MYH10: variants seen among roughly 807,000 people sequenced by gnomAD.
MYH10 encodes the protein myosin-10.
Under a neutral mutation model 257.8 loss-of-function variants are expected in MYH10, and 55 were observed. The observed-to-expected ratio is 0.21, with a 90% CI of 0.17 to 0.27. The LOEUF (loss-of-function observed/expected upper bound fraction) is 0.27, where lower values mean the gene tolerates loss of function less well. Ranked by LOEUF, MYH10 falls within the 10% of genes least tolerant of loss-of-function variation. The probability of loss-of-function intolerance (pLI) is 1.00; values close to 1 mark genes in which losing one functional copy is unlikely to be tolerated. For synonymous variants in MYH10, 854 were observed against 921.7 expected, an observed-to-expected ratio of 0.93 and a Z score of 1.33; for missense variants, 1,631 against 2,500.6, an observed-to-expected ratio of 0.65 and a Z score of 7.42.
At chr17:8,481,282 C>T in intron 38 of MYH10, 40 bp downstream of exon 38, 1 of 1,598,702 alleles carries the variant, frequency 6.3e-7, no homozygotes, top group South Asian at 1.1e-5. Flanking sequence ...GTGCGCGTGC[C>T]TGAGGGCGAA....
chr17:8,614,596 C>A (rs957870536), intron 2 of MYH10, among the ~76,000 whole-genome samples: 1 of 152,076 alleles, frequency 6.6e-6, no homozygotes. Context: ...GGATTACAGG[C>A]ATGAGCCACT....
intron 28 of MYH10, among the ~76,000 whole-genome samples, chr17:8,501,480 A>C (rs563416754): frequency 6.6e-6 from 1 of 152,310 alleles, no homozygotes; most frequent in East Asian, 1.9e-4. Flanking sequence ...TAAAACTGGA[A>C]AAAGGGAGTC....
chr17:8,614,511 G>T (rs1402621638), intron 2 of MYH10, among the ~76,000 whole-genome samples: 5 of 151,726 alleles, frequency 3.3e-5, no homozygotes, highest in Admixed American at 3.3e-4. Flanking sequence ...TAGAGACAGG[G>T]TTTCACCATT....
intron 4 of MYH10, among the ~76,000 whole-genome samples, chr17:8,585,032 G>A (rs62062511): frequency 0.044 from 6,704 of 151,608 alleles, 192 homozygotes; most frequent in South Asian, 0.08. Context: ...TAGTAGAGAC[G>A]GGGTTTCTCT....
chr17:8,561,595 A>G, intron 7 of MYH10: 1 of 774,240 alleles, frequency 1.3e-6, no homozygotes, highest in Non-Finnish European at 2.3e-6. Flanking sequence ...GTTCTTAAAG[A>G]CTGAAGACAG....
At chr17:8,513,491 C>T in intron 23 of MYH10, 47 bp downstream of exon 23, 1 of 1,609,384 alleles carries the variant, frequency 6.2e-7, no homozygotes, top group Non-Finnish European at 8.5e-7. Context: ...TGCAAGATCT[C>T]ATAGGGATTC....
rs376909077 is a variant in MYH10, at chr17:8,623,272, T to C, written c.-26A>G. On this transcript the variant is annotated 5_prime_UTR_variant, in exon 2 of 43. Coordinates refer to ENST00000360416, the MANE Select transcript of MYH10 (RefSeq NM_001256012.3). ...TGTAAATGGAACGATCCAAAAGCAATTGCCTCTAAGAGAAGAGGAGGAGGG... is the reference window on the plus strand; with the variant it reads ...TGTAAATGGAACGATCCAAAAGCAACTGCCTCTAAGAGAAGAGGAGGAGGG... The C allele has an allele frequency of 1.1e-4, 177 of 1,552,500 alleles. 3 individuals are homozygous for C. The South Asian group carries it at 2.0e-3, about 17-fold the overall frequency.
At chr17:8,547,231 C>T (rs984665268) in intron 11 of MYH10, among the ~76,000 whole-genome samples, 1 of 152,128 alleles carries the variant, frequency 6.6e-6, no homozygotes, top group African/African-American at 2.4e-5. Flanking sequence ...ACAAGAGTGA[C>T]CTGATCCTCC....
At chr17:8,534,383 C>A (rs76812980) in intron 16 of MYH10, among the ~76,000 whole-genome samples, 2 of 152,238 alleles carry the variant, frequency 1.3e-5, no homozygotes, top group African/African-American at 2.4e-5. Context: ...TCAGTGCATC[C>A]CCCCCTGCAG....
chr17:8,593,128 A>C (rs1479518042), intron 3 of MYH10, among the ~76,000 whole-genome samples: 1 of 151,220 alleles, frequency 6.6e-6, no homozygotes, highest in Non-Finnish European at 1.5e-5. Context: ...GTTTGACAAA[A>C]CTTAATATCC....
At chr17:8,492,613 A>C in intron 33 of MYH10, 104 bp from the exon 34 acceptor site, 1 of 1,226,530 alleles carries the variant, frequency 8.2e-7, no homozygotes, top group Non-Finnish European at 1.1e-6. Context: ...CCACTAGATT[A>C]TGGTGTTCTT....
intron 7 of MYH10, 77 bp from the exon 8 acceptor site, chr17:8,554,095 CA>C: frequency 1.0e-6 from 1 of 985,448 alleles, no homozygotes; most frequent in East Asian, 2.4e-5. Context: ...ACTAAGAAGA[CA>C]ACAAGTATCC....
At chr17:8,621,223 C>G (rs1389995456) in intron 2 of MYH10, among the ~76,000 whole-genome samples, 1 of 152,214 alleles carries the variant, frequency 6.6e-6, no homozygotes, top group Non-Finnish European at 1.5e-5. Context: ...TCATCTGAAA[C>G]TGATCAACCT....
Position 8,492,962 on chromosome 17 carries a change from G to C in MYH10, c.4272C>G (p.Ala1424=), listed in dbSNP as rs201468298. 9 of 1,614,078 alleles carry C rather than the reference G, an allele frequency of 5.6e-6. No homozygotes were observed. In the Admixed American group the frequency reaches 1.5e-4, roughly 27 times the overall value. Residue 1424 remains alanine (A), a synonymous_variant, in exon 33 of 43, where the codon GCC becomes GCG. Transcript: ENST00000360416. ...CCGCGTCCTTCAGAAGCTTCTTCTT[G>C]GCTTCTTCCAGACTTTCAATTGTTC... ...DLGTIESLEE[A]KKKLLKDAEA...
chr17:8,553,305 T>C (rs2082699940), intron 8 of MYH10, among the ~76,000 whole-genome samples: 1 of 152,226 alleles, frequency 6.6e-6, no homozygotes, highest in Admixed American at 6.5e-5. Flanking sequence ...CCTTGAAGGA[T>C]AGAAATAATG....
chr17:8,539,422 G>A (rs2082232625), intron 14 of MYH10, among the ~76,000 whole-genome samples: 4 of 152,090 alleles, frequency 2.6e-5, no homozygotes, highest in Admixed American at 2.6e-4. Context: ...AATTCACAGA[G>A]CATCAGTTAG....
chr17:8,572,030 T>C (rs912965094), intron 6 of MYH10, among the ~76,000 whole-genome samples: 1 of 152,158 alleles, frequency 6.6e-6, no homozygotes, highest in African/African-American at 2.4e-5. Flanking sequence ...ACTAAATATC[T>C]ACTGCTAGAC....
intron 2 of MYH10, among the ~76,000 whole-genome samples, chr17:8,622,640 T>C (rs532427843): frequency 6.6e-6 from 1 of 152,298 alleles, no homozygotes; most frequent in African/African-American, 2.4e-5. Flanking sequence ...CTTATTATGC[T>C]CCAGAAGACC....
At chr17:8,568,021 C>T (rs2083217910) in intron 7 of MYH10, among the ~76,000 whole-genome samples, 1 of 152,176 alleles carries the variant, frequency 6.6e-6, no homozygotes, top group Non-Finnish European at 1.5e-5. Context: ...CCAACCCTCT[C>T]CCCTTCCCCC....
Sources: gnomAD v4.1 joint callset for allele counts (sites outside exome capture counted in the v4.1 genomes callset) on GRCh38, gnomAD v4.1.1 for gene constraint, MANE v1.5 for transcripts, NCBI Gene and HGNC (gene_info 2026-07-23, HGNC 2026-07-21) for gene names.